NYAP2: variants seen among roughly 807,000 people sequenced by gnomAD.
The protein encoded by NYAP2 is neuronal tyrosine-phosphorylated phosphoinositide-3-kinase adapter 2.
Under a neutral mutation model 50.4 loss-of-function variants are expected in NYAP2, and 23 were observed. That is an observed-to-expected ratio of 0.46 (90% CI 0.33 to 0.65). The LOEUF (loss-of-function observed/expected upper bound fraction) is 0.65, where lower values mean the gene tolerates loss of function less well. Among genes scored for constraint, NYAP2 ranks in the 30% least tolerant of loss-of-function variants. The pLI, the probability that NYAP2 is intolerant of heterozygous loss-of-function variation, is 0.02. For missense variants in NYAP2, 885 were observed against 861.0 expected, an observed-to-expected ratio of 1.03 and a Z score of -0.35; for synonymous variants, 394 against 365.2, an observed-to-expected ratio of 1.08 and a Z score of -0.90.
chr2:225,632,058 T>C (rs891697600), intron 6 of NYAP2, among the ~76,000 whole-genome samples: 11 of 152,150 alleles, frequency 7.2e-5, no homozygotes, highest in Non-Finnish European at 8.8e-5. Context: ...CCTCAGGTGA[T>C]CCACCTGCCT....
At chr2:225,452,938 T>C (rs1689677943) in intron 3 of NYAP2, among the ~76,000 whole-genome samples, 1 of 152,172 alleles carries the variant, frequency 6.6e-6, no homozygotes, top group African/African-American at 2.4e-5. Context: ...ATTCCCAGAA[T>C]TGTTACATTT....
the NYAP2 span, among the ~76,000 whole-genome samples, chr2:225,676,160 G>C: frequency 1.3e-5 from 2 of 152,010 alleles, no homozygotes; most frequent in African/African-American, 4.8e-5. Context: ...AGTTTAACTA[G>C]GCCCCACATC....
chr2:225,560,980 A>G (rs1356785412), intron 4 of NYAP2, among the ~76,000 whole-genome samples: 1 of 150,134 alleles, frequency 6.7e-6, no homozygotes. Context: ...CAATTCAACA[A>G]ATATTTATTA....
intron 3 of NYAP2, among the ~76,000 whole-genome samples, chr2:225,413,661 G>T (rs943137016): frequency 6.6e-6 from 1 of 152,162 alleles, no homozygotes; most frequent in African/African-American, 2.4e-5. Context: ...GGATTCCAGG[G>T]ATGGTGAAAG....
At chr2:225,684,723 G>T in the NYAP2 span, among the ~76,000 whole-genome samples, 1 of 151,930 alleles carries the variant, frequency 6.6e-6, no homozygotes, top group Admixed American at 6.6e-5. Flanking sequence ...GATAATTTTT[G>T]TACTTTTTGT....
chr2:225,475,732 A>C (rs1690092671), intron 3 of NYAP2, among the ~76,000 whole-genome samples: 1 of 152,190 alleles, frequency 6.6e-6, no homozygotes, highest in Admixed American at 6.5e-5. Flanking sequence ...TTATAATTCA[A>C]ATCTCCTAGT....
At chr2:225,565,728 A>T (rs964164891) in intron 4 of NYAP2, among the ~76,000 whole-genome samples, 2 of 152,134 alleles carry the variant, frequency 1.3e-5, no homozygotes, top group South Asian at 4.1e-4. Context: ...TGTCTTTTTA[A>T]ATCCTCACAT....
intron 4 of NYAP2, among the ~76,000 whole-genome samples, chr2:225,537,241 T>G (rs13404577): frequency 0.21 from 32,573 of 152,118 alleles, 3,483 homozygotes; most frequent in African/African-American, 0.23. Flanking sequence ...TGTCTTTCTG[T>G]GCCTGGCTCA....
exon 7 of NYAP2, chr2:225,652,937 T>C (rs919082916): frequency 5.9e-5 from 9 of 152,310 alleles, no homozygotes; most frequent in Non-Finnish European, 1.2e-4. Context: ...CTCAAGGGTA[T>C]CTCAAGTACC....
the NYAP2 span, among the ~76,000 whole-genome samples, chr2:225,660,779 C>T: frequency 6.6e-6 from 1 of 152,184 alleles, no homozygotes; most frequent in Non-Finnish European, 1.5e-5. Context: ...AAATCTATGA[C>T]AAAATCTGCT....
intron 5 of NYAP2, among the ~76,000 whole-genome samples, chr2:225,600,300 G>T (rs758008151): frequency 6.6e-6 from 1 of 152,168 alleles, no homozygotes; most frequent in African/African-American, 2.4e-5. Flanking sequence ...ATCAAGTTCA[G>T]GATCTGCAAA....
intron 4 of NYAP2, among the ~76,000 whole-genome samples, chr2:225,521,532 CAT>C (rs1202947607): frequency 6.6e-6 from 1 of 152,104 alleles, no homozygotes; most frequent in Non-Finnish European, 1.5e-5. Context: ...TTGAGATAAT[CAT>C]GTGGTTTTTG....
At chr2:225,647,454 A>G (rs920083219) in intron 6 of NYAP2, among the ~76,000 whole-genome samples, 1 of 152,156 alleles carries the variant, frequency 6.6e-6, no homozygotes, top group African/African-American at 2.4e-5. Flanking sequence ...GCAGACGTTA[A>G]ACACCCGCAC....
At chr2:225,639,118 C>T (rs114471983) in intron 6 of NYAP2, among the ~76,000 whole-genome samples, 1 of 151,932 alleles carries the variant, frequency 6.6e-6, no homozygotes, top group Non-Finnish European at 1.5e-5. Flanking sequence ...CAAGAAAGAC[C>T]TTTGCTCCCC....
At chr2:225,580,683 G>A (rs1692256599) in intron 4 of NYAP2, among the ~76,000 whole-genome samples, 1 of 151,982 alleles carries the variant, frequency 6.6e-6, no homozygotes, top group African/African-American at 2.4e-5. Context: ...TTGATGGATG[G>A]AACAGCCATC....
At chr2:225,695,370 G>C in the NYAP2 span, among the ~76,000 whole-genome samples, 1 of 151,850 alleles carries the variant, frequency 6.6e-6, no homozygotes, top group Admixed American at 6.6e-5. Context: ...AAGTGATGCT[G>C]TAAGAAATAT....
intron 4 of NYAP2, among the ~76,000 whole-genome samples, chr2:225,554,694 A>G (rs1464312501): frequency 1.3e-5 from 2 of 152,050 alleles, no homozygotes; most frequent in East Asian, 3.9e-4. Flanking sequence ...GGAGGGGCAA[A>G]GGGAGAGATG....
chr2:225,625,043 T>TTAA lies in NYAP2; in HGVS notation c.1619-1874_1619-1873insTAA, dbSNP rs1275269077. On this transcript the variant is annotated intron_variant, in intron 5 of 6. Transcript: ENST00000636099. ...GTTGATAAGGATTTTAACCCAAGCG[T>TTAA]AAAAAAAAAAAAAAAAAAAAAAAAA... is the stretch of plus-strand genomic sequence containing the variant. Among the ~76,000 whole-genome samples, 3 of 69,632 alleles carry TTAA rather than the reference T, an allele frequency of 4.3e-5. 1 individual carries two copies. The highest frequency in any genetic ancestry group is 1.5e-3 in the South Asian group (2 of 1,376). The allele number at this position is 69,632 out of a possible 152,430, so 45.7% of individuals were successfully genotyped here. A position where few individuals can be genotyped will look rare whatever the true frequency, so the allele number is the denominator to read the frequency against.
At chr2:225,683,544 A>G in the NYAP2 span, among the ~76,000 whole-genome samples, 2 of 150,960 alleles carry the variant, frequency 1.3e-5, no homozygotes, top group Admixed American at 1.3e-4. Context: ...GTTAACAGCA[A>G]ATTTTGGAAA....
Sources: gnomAD v4.1 joint callset for allele counts (sites outside exome capture counted in the v4.1 genomes callset) on GRCh38, gnomAD v4.1.1 for gene constraint, MANE v1.5 for transcripts, NCBI Gene and HGNC (gene_info 2026-07-23, HGNC 2026-07-21) for gene names.